The following SYNPR variants were observed in gnomAD, a reference collection of about 807,000 sequenced individuals.
SYNPR encodes the protein synaptoporin.
Under a neutral mutation model 32.9 loss-of-function variants are expected in SYNPR, and 23 were observed. That is an observed-to-expected ratio of 0.70 (90% CI 0.50 to 0.99). The LOEUF (loss-of-function observed/expected upper bound fraction) is 0.99. Ranked by LOEUF, SYNPR falls within the 50% of genes least tolerant of loss-of-function variation. SYNPR has a pLI of 0.00. For missense variants in SYNPR, 318 were observed against 349.3 expected (o/e 0.91, Z 0.71); for synonymous variants, 146 against 135.9 (o/e 1.07, Z -0.52).
intron 4 of SYNPR, among the ~76,000 whole-genome samples, chr3:63,585,780 T>C (rs76651262): frequency 6.6e-6 from 1 of 152,124 alleles, no homozygotes; most frequent in Non-Finnish European, 1.5e-5. Context: ...ATTCTTGCAA[T>C]AACCCTCTAA....
intron 4 of SYNPR, among the ~76,000 whole-genome samples, chr3:63,561,958 T>C (rs7619221): frequency 0.011 from 1,625 of 152,256 alleles, 24 homozygotes; most frequent in African/African-American, 0.031. Context: ...GTAACACAAT[T>C]GTTAATGATG....
At chr3:63,547,236 T>C (rs1312755511) in intron 3 of SYNPR, among the ~76,000 whole-genome samples, 1 of 152,104 alleles carries the variant, frequency 6.6e-6, no homozygotes, top group Non-Finnish European at 1.5e-5. Flanking sequence ...GTCTTACATT[T>C]CAGATCTACT....
chr3:63,569,493 A>C (rs1702849291), intron 4 of SYNPR, among the ~76,000 whole-genome samples: 1 of 152,244 alleles, frequency 6.6e-6, no homozygotes, highest in African/African-American at 2.4e-5. Flanking sequence ...TAAAAAAACT[A>C]AAATAAAAAT....
rs188112895 is a variant in SYNPR, at chr3:63,388,849, C to T, written c.85-91983C>T. ...TACCCAGAAAGTTAATATTAGGCTT[C>T]CAAAGCCCTTAATTGATACTTGCTC... On this transcript the variant is annotated intron_variant, in intron 2 of 5. Coordinates refer to ENST00000478300, the MANE Select transcript of SYNPR (RefSeq NM_001130003.2). 2.7e-3 allele frequency among the ~76,000 whole-genome samples: 404 copies of T among 152,196 alleles called. 1 individual carries two copies. The highest frequency in any genetic ancestry group is 4.5e-3 in the Non-Finnish European group (305 of 68,020).
At chr3:63,233,132 C>T (rs1038190487) in intron 1 of SYNPR, among the ~76,000 whole-genome samples, 1 of 152,176 alleles carries the variant, frequency 6.6e-6, no homozygotes, top group Non-Finnish European at 1.5e-5. Context: ...AGTGGTTAAA[C>T]ACACAGCCTC....
the SYNPR span, chr3:63,203,068 G>GTGTGTGTGTGTATATA: frequency 1.1e-4 from 12 of 108,574 alleles, no homozygotes; most frequent in South Asian, 5.2e-4. Flanking sequence ...ATATGTATGT[G>GTGTGTGTGTGTATATA]TATATATATA....
At chr3:63,308,826 T>C (rs1458092003) in intron 2 of SYNPR, among the ~76,000 whole-genome samples, 3 of 151,950 alleles carry the variant, frequency 2.0e-5, no homozygotes, top group Non-Finnish European at 4.4e-5. Context: ...TGGAAATTCA[T>C]TAGACTTCCT....
chr3:63,564,415 C>T (rs13064697), intron 4 of SYNPR, among the ~76,000 whole-genome samples: 67,048 of 151,224 alleles, frequency 0.44, 15,731 homozygotes, highest in African/African-American at 0.6. Flanking sequence ...CAGGCTGGTC[C>T]CAAACTCCTG....
intron 3 of SYNPR, among the ~76,000 whole-genome samples, chr3:63,525,150 T>C (rs1260297596): frequency 6.6e-6 from 1 of 152,156 alleles, no homozygotes; most frequent in Non-Finnish European, 1.5e-5. Flanking sequence ...CTCCAAAATG[T>C]TTCTATTCCA....
At chr3:63,391,701 A>G (rs990767149) in intron 2 of SYNPR, among the ~76,000 whole-genome samples, 1 of 152,212 alleles carries the variant, frequency 6.6e-6, no homozygotes, top group East Asian at 1.9e-4. Context: ...CATAAAAATG[A>G]GAAAATTGAG....
intron 3 of SYNPR, among the ~76,000 whole-genome samples, chr3:63,485,745 G>T (rs1424301552): frequency 6.6e-6 from 1 of 152,070 alleles, no homozygotes; most frequent in African/African-American, 2.4e-5. Context: ...ATGACATGAT[G>T]ATAAATTTAC....
intron 2 of SYNPR, among the ~76,000 whole-genome samples, chr3:63,257,454 T>C (rs1404214684): frequency 6.6e-6 from 1 of 152,114 alleles, no homozygotes; most frequent in Non-Finnish European, 1.5e-5. Context: ...CAGAATTTCA[T>C]ATCCAGCCAA....
At chr3:63,322,197 GT>G (rs1049812096) in intron 2 of SYNPR, among the ~76,000 whole-genome samples, 7 of 152,024 alleles carry the variant, frequency 4.6e-5, no homozygotes, top group African/African-American at 1.4e-4. Flanking sequence ...GGAATATAGA[GT>G]TTTCATTTGC....
intron 1 of SYNPR, among the ~76,000 whole-genome samples, chr3:63,251,898 A>C (rs953394546): frequency 6.6e-6 from 1 of 152,110 alleles, no homozygotes; most frequent in South Asian, 2.1e-4. Flanking sequence ...TTGACTACTC[A>C]GGAGAATAGA....
At chr3:63,554,570 T>G (rs757586447) in intron 3 of SYNPR, among the ~76,000 whole-genome samples, 8 of 152,188 alleles carry the variant, frequency 5.3e-5, no homozygotes, top group Non-Finnish European at 1.2e-4. Flanking sequence ...TTGGTCTATG[T>G]GTCTGTTTTG....
rs755615629 is a variant in SYNPR at position 63,609,136 on chromosome 3, C to T, written c.420C>T (p.Val140=). 1 of 1,606,102 alleles carries T rather than the reference C, an allele frequency of 6.2e-7. No individual in the cohort carries two copies. Among genetic ancestry groups the T allele is most frequent in the South Asian group, 1.1e-5 (1 of 88,988 alleles). ...NNRGPLIDFI[V]TVVFSFLWLV... ...ATTTGTTTCTGTAGGACTTCATTGT[C>T]ACTGTAGTCTTTTCGTTCTTGTGGT... Residue 140 remains valine (V), a synonymous_variant, in exon 5 of 6, where the codon GTC becomes GTT. Transcript: ENST00000478300.
chr3:63,541,227 T>A lies in SYNPR; in HGVS notation c.210-15316T>A, dbSNP rs1331880540. 2.0e-5 allele frequency among the ~76,000 whole-genome samples: 3 copies of A among 151,060 alleles called. No homozygotes were observed. The South Asian group carries it at 6.3e-4, about 32-fold the overall frequency. On this transcript the variant is annotated intron_variant, in intron 3 of 5. Coordinates refer to ENST00000478300, the MANE Select transcript of SYNPR (RefSeq NM_001130003.2). ...GAAGAGACAGCCAGTGTACTGCCAATTCTTTTTTTTTTTTTTACCTCTTGG... is the reference window on the plus strand; with the variant it reads ...GAAGAGACAGCCAGTGTACTGCCAAATCTTTTTTTTTTTTTTACCTCTTGG...
chr3:63,231,172 A>C (rs1237288145), intron 1 of SYNPR, among the ~76,000 whole-genome samples: 1 of 152,230 alleles, frequency 6.6e-6, no homozygotes, highest in Non-Finnish European at 1.5e-5. Context: ...AGCCATAAAA[A>C]GGAACAAAAT....
chr3:63,546,362 G>A (rs1338563506), intron 3 of SYNPR, among the ~76,000 whole-genome samples: 2 of 152,044 alleles, frequency 1.3e-5, no homozygotes, highest in Admixed American at 6.6e-5. Context: ...GTCTATCTGT[G>A]TAAATCCAAA....
Sources: gnomAD v4.1 joint callset for allele counts (sites outside exome capture counted in the v4.1 genomes callset) on GRCh38, gnomAD v4.1.1 for gene constraint, MANE v1.5 for transcripts, NCBI Gene and HGNC (gene_info 2026-07-23, HGNC 2026-07-21) for gene names.